LRP1B: variants seen among roughly 807,000 people sequenced by gnomAD.
The protein encoded by LRP1B is LDL receptor related protein 1B.
In LRP1B, 217 loss-of-function variants were observed where a neutral mutation model predicts 556.6. That is an observed-to-expected ratio of 0.39 (90% CI 0.35 to 0.44). The LOEUF is 0.44. LRP1B is among the 20% of genes least tolerant of loss of function. LRP1B has a pLI of 1.00. For synonymous variants in LRP1B, 2,047 were observed against 1,865.8 expected, an observed-to-expected ratio of 1.10 and a Z score of -2.50; for missense variants, 5,053 against 5,620.8, an observed-to-expected ratio of 0.90 and a Z score of 3.23.
intron 83 of LRP1B, among the ~76,000 whole-genome samples, chr2:140,304,287 G>C (rs762976938): frequency 3.9e-5 from 6 of 152,094 alleles, no homozygotes; most frequent in Non-Finnish European, 5.9e-5. Context: ...CAGTGTAAAA[G>C]TGTTCCTATT....
chr2:141,292,572 G>A (rs1216116302), intron 3 of LRP1B, among the ~76,000 whole-genome samples: 4 of 152,146 alleles, frequency 2.6e-5, no homozygotes, highest in South Asian at 4.1e-4. Flanking sequence ...AGTCTATATC[G>A]AAAATCATAA....
At chr2:141,018,286 T>G (rs2105393997) in intron 12 of LRP1B, among the ~76,000 whole-genome samples, 1 of 152,224 alleles carries the variant, frequency 6.6e-6, no homozygotes, top group East Asian at 1.9e-4. Flanking sequence ...AAATAAGCTC[T>G]TTCCTCTGTT....
intron 29 of LRP1B, among the ~76,000 whole-genome samples, chr2:140,843,606 A>G (rs1692187627): frequency 6.6e-6 from 1 of 152,114 alleles, no homozygotes; most frequent in Admixed American, 6.6e-5. Flanking sequence ...TTTCCACACT[A>G]TAGGGAAACT....
At position 141,353,535 on chromosome 2, in the gene LRP1B, C is replaced by T. The variant is rs372526429; in HGVS notation, c.344-98894G>A. ...CTTTTTTAACATTAGCCAAGATTCT[C>T]AATCAATTTTGCAAATACGTTTTGA... On this transcript the variant is annotated intron_variant, in intron 3 of 90. Coordinates refer to ENST00000389484, the MANE Select transcript of LRP1B (RefSeq NM_018557.3). 6.6e-5 allele frequency among the ~76,000 whole-genome samples: 10 copies of T among 151,910 alleles called. No individual in the cohort carries two copies. In the East Asian group the frequency reaches 1.2e-3, roughly 18 times the overall value.
At chr2:140,344,464 G>A (rs1681552296) in intron 77 of LRP1B, among the ~76,000 whole-genome samples, 1 of 151,766 alleles carries the variant, frequency 6.6e-6, no homozygotes, top group African/African-American at 2.4e-5. Context: ...ATTCAGCAAA[G>A]CTAATATAAA....
At chr2:142,127,367 A>AATCCATCCATCC (rs71391674) in intron 1 of LRP1B, among the ~76,000 whole-genome samples, 8,684 of 150,104 alleles carry the variant, frequency 0.058, 306 homozygotes, top group South Asian at 0.085. Context: ...TGTATGGCAG[A>AATCCATCCATCC]ATCCATCCAT....
chr2:141,855,079 T>C (rs1439103801), intron 1 of LRP1B, among the ~76,000 whole-genome samples: 1 of 151,964 alleles, frequency 6.6e-6, no homozygotes, highest in Non-Finnish European at 1.5e-5. Context: ...GGCAAGGTGT[T>C]GGGGTGCTAG....
chr2:141,872,612 T>G (rs1264832405), intron 1 of LRP1B, among the ~76,000 whole-genome samples: 1 of 150,878 alleles, frequency 6.6e-6, no homozygotes, highest in Non-Finnish European at 1.5e-5. Flanking sequence ...AACATTCAGT[T>G]TTAAGTAGTT....
At chr2:141,056,511 T>C (rs1699182387) in intron 9 of LRP1B, among the ~76,000 whole-genome samples, 1 of 151,798 alleles carries the variant, frequency 6.6e-6, no homozygotes, top group Non-Finnish European at 1.5e-5. Context: ...TCAAACCCAT[T>C]CTACTCATAT....
intron 1 of LRP1B, among the ~76,000 whole-genome samples, chr2:141,957,343 C>T (rs1399642806): frequency 8.4e-6 from 1 of 119,702 alleles, no homozygotes; most frequent in African/African-American, 3.3e-5. Flanking sequence ...CCCAGAAAAA[C>T]AGATTAGCAA....
At chr2:141,541,094 TG>T (rs1226714221) in intron 2 of LRP1B, among the ~76,000 whole-genome samples, 5 of 151,966 alleles carry the variant, frequency 3.3e-5, no homozygotes, top group African/African-American at 4.8e-5. Flanking sequence ...TAACAAAACA[TG>T]AATAACAAGT....
chr2:141,179,894 T>C (rs865805508), intron 7 of LRP1B, among the ~76,000 whole-genome samples: 29 of 127,056 alleles, frequency 2.3e-4, no homozygotes, highest in African/African-American at 6.4e-4. Context: ...GGTTTTTCCT[T>C]TTTTTTTTTT....
At chr2:141,709,192 T>C (rs1466353232) in intron 2 of LRP1B, among the ~76,000 whole-genome samples, 2 of 151,492 alleles carry the variant, frequency 1.3e-5, no homozygotes, top group South Asian at 2.1e-4. Context: ...CTACAAAAAA[T>C]ACAAAAATTA....
At chr2:140,290,939 G>C (rs1683344403) in intron 84 of LRP1B, among the ~76,000 whole-genome samples, 1 of 152,044 alleles carries the variant, frequency 6.6e-6, no homozygotes, top group African/African-American at 2.4e-5. Flanking sequence ...CTAAATTGCA[G>C]ATTAGGGAAA....
intron 43 of LRP1B, among the ~76,000 whole-genome samples, chr2:140,547,283 TG>T (rs1680377498): frequency 6.6e-6 from 1 of 152,082 alleles, no homozygotes; most frequent in Non-Finnish European, 1.5e-5. Flanking sequence ...CATCTGGTCC[TG>T]GGTTTTTTTT....
chr2:140,544,232 T>C (rs184031280), intron 43 of LRP1B, among the ~76,000 whole-genome samples: 12 of 147,062 alleles, frequency 8.2e-5, no homozygotes, highest in Non-Finnish European at 1.8e-4. Flanking sequence ...AGGTTTGTTA[T>C]GTAGGTAAAT....
chr2:140,963,284 T>C (rs891409784), intron 18 of LRP1B, among the ~76,000 whole-genome samples: 2 of 151,698 alleles, frequency 1.3e-5, no homozygotes. Context: ...TATTCCCACT[T>C]GAGAAAAGAA....
At chr2:142,043,143 A>T (rs1454307830) in intron 1 of LRP1B, among the ~76,000 whole-genome samples, 1 of 151,612 alleles carries the variant, frequency 6.6e-6, no homozygotes, top group African/African-American at 2.4e-5. Context: ...ATTCTGGGTT[A>T]ACTGGATGTA....
At chr2:141,022,400 G>A (rs1241375508) in intron 11 of LRP1B, among the ~76,000 whole-genome samples, 1 of 151,738 alleles carries the variant, frequency 6.6e-6, no homozygotes, top group Non-Finnish European at 1.5e-5. Flanking sequence ...ATCTTTAATG[G>A]GGCAGGGAGG....
Sources: allele counts gnomAD v4.1 joint callset (sites outside exome capture counted in the v4.1 genomes callset), GRCh38; gene constraint gnomAD v4.1.1; transcripts MANE v1.5; gene names NCBI Gene and HGNC (gene_info 2026-07-23, HGNC 2026-07-21).